Variants in ATG7 observed in about 807,000 individuals in gnomAD.
ATG7 encodes the protein ubiquitin-like modifier-activating enzyme ATG7.
A neutral mutation model predicts 82.4 loss-of-function variants in ATG7; 70 were observed. That is an observed-to-expected ratio of 0.85 (90% CI 0.70 to 1.04). The LOEUF (loss-of-function observed/expected upper bound fraction) is 1.04. Among genes scored for constraint, ATG7 ranks in the 50% least tolerant of loss-of-function variants. The pLI is 0.00. For synonymous variants in ATG7, 287 were observed against 313.0 expected, an observed-to-expected ratio of 0.92 and a Z score of 0.88; for missense variants, 792 against 864.3, an observed-to-expected ratio of 0.92 and a Z score of 1.05.
Position 11,555,089 on chromosome 3 carries a change from T to G in ATG7, c.*246T>G, listed in dbSNP as rs2072276941. The G allele has an allele frequency of 1.9e-6, 1 of 522,362 alleles. No individual in the cohort carries two copies. The highest frequency in any genetic ancestry group is 2.8e-5 in the South Asian group (1 of 36,040). 32.4% of individuals were successfully genotyped at this position (522,362 alleles called of 1,614,324 possible). ...GCCTTGCTATTGACCTGGGACTTGG[T>G]CCTCCATGCAGTTTTTATTTCTTGT... On this transcript the variant is annotated 3_prime_UTR_variant, in exon 21 of 21. Coordinates refer to ENST00000693202, the MANE Select transcript of ATG7 (RefSeq NM_001349232.2).
intron 19 of ATG7, among the ~76,000 whole-genome samples, chr3:11,389,730 G>A (rs564915370): frequency 3.8e-4 from 58 of 152,288 alleles, no homozygotes; most frequent in African/African-American, 1.4e-3. Flanking sequence ...TGGAATATAT[G>A]TGCAGCCTCC....
intron 20 of ATG7, among the ~76,000 whole-genome samples, chr3:11,471,421 G>A (rs533481228): frequency 1.2e-4 from 18 of 152,016 alleles, no homozygotes; most frequent in Non-Finnish European, 1.9e-4. Context: ...TATATGACTT[G>A]GTCATCTTTA....
At chr3:11,573,320 A>AAGGAAGG in the ATG7 span, among the ~76,000 whole-genome samples, 3 of 27,386 alleles carry the variant, frequency 1.1e-4, no homozygotes, top group African/African-American at 4.7e-4. Context: ...AGGAAGGAAG[A>AAGGAAGG]AAGAAAGAAA....
At chr3:11,308,894 C>T in intron 6 of ATG7, 90 bp from the exon 7 acceptor site, 2 of 1,193,306 alleles carry the variant, frequency 1.7e-6, no homozygotes, top group Non-Finnish European at 2.5e-6. Context: ...GAAAGAAGAG[C>T]CTGGTGCTTT....
intron 19 of ATG7, among the ~76,000 whole-genome samples, chr3:11,410,695 A>G (rs901601704): frequency 2.0e-5 from 3 of 152,170 alleles, no homozygotes; most frequent in Admixed American, 6.5e-5. Context: ...ATTTAGTATA[A>G]TGCTCTCAAA....
In ATG7 at chr3:11,475,907, A is replaced by ACACACACACACACACACACC. The variant is rs766157655; in HGVS notation, c.2079+48982_2079+48983insACACACACACACACACACCC. On this transcript the variant is annotated intron_variant, in intron 20 of 20. Coordinates refer to ENST00000693202, the MANE Select transcript of ATG7 (RefSeq NM_001349232.2). ...CACACACACACACACACACACACAC[A>ACACACACACACACACACACC]CCCCCTCCCAGAGTCCGAGCATTCT... 1.4e-4 allele frequency among the ~76,000 whole-genome samples: 20 copies of ACACACACACACACACACACC among 146,332 alleles called. 1 individual carries two copies. The South Asian group carries it at 1.4e-3, about 11-fold the overall frequency.
intron 19 of ATG7, among the ~76,000 whole-genome samples, chr3:11,416,838 T>C (rs544431623): frequency 2.0e-5 from 3 of 152,304 alleles, no homozygotes; most frequent in African/African-American, 7.2e-5. Context: ...ATTTCAGTGA[T>C]ACAGATTTCT....
chr3:11,443,450 A>G lies in ATG7; in HGVS notation c.2079+16524A>G, dbSNP rs76859048. On this transcript the variant is annotated intron_variant, in intron 20 of 20. Transcript: ENST00000693202. ...ACCCAGGCTGGAGTGCAGTGGCACA[A>G]TCTTGGCTCACTGCAGCCTCAACCT... 2.8e-3 allele frequency among the ~76,000 whole-genome samples: 427 copies of G among 152,236 alleles called. 6 individuals carry two copies. In the East Asian group the frequency reaches 0.029, roughly 10 times the overall value.
chr3:11,432,156 C>T (rs2082949841), intron 20 of ATG7, among the ~76,000 whole-genome samples: 1 of 152,018 alleles, frequency 6.6e-6, no homozygotes, highest in Admixed American at 6.6e-5. Context: ...GTAGTGATGA[C>T]TTTGAGGTAA....
intron 20 of ATG7, among the ~76,000 whole-genome samples, chr3:11,539,619 G>A (rs1321343233): frequency 2.6e-5 from 4 of 152,094 alleles, no homozygotes; most frequent in South Asian, 2.1e-4. Flanking sequence ...AAAAAGACAC[G>A]GTATTTCTCT....
intron 14 of ATG7, 161 bp downstream of exon 14, chr3:11,348,196 A>T (rs762969904): frequency 5.0e-6 from 5 of 1,006,210 alleles, no homozygotes; most frequent in Non-Finnish European, 4.2e-6. Context: ...TCAGAGAGGG[A>T]TAAAAAAACA....
intron 19 of ATG7, among the ~76,000 whole-genome samples, chr3:11,403,282 T>C (rs1354165701): frequency 2.0e-5 from 3 of 152,034 alleles, no homozygotes; most frequent in Admixed American, 6.6e-5. Flanking sequence ...GAAGTCCTCA[T>C]TGGAGTAAGT....
intron 1 of ATG7, chr3:11,272,709 G>A (rs1307803107): frequency 6.6e-6 from 1 of 152,260 alleles, no homozygotes; most frequent in Admixed American, 6.5e-5. Context: ...CTGTCCTCTT[G>A]GTAGGCAGTG....
intron 2 of ATG7, among the ~76,000 whole-genome samples, chr3:11,281,787 A>G (rs1943095082): frequency 6.6e-6 from 1 of 152,006 alleles, no homozygotes; most frequent in Admixed American, 6.5e-5. Context: ...AAAAAAAAAA[A>G]AAAAGAGAAA....
At chr3:11,409,050 C>T (rs2080635999) in intron 19 of ATG7, among the ~76,000 whole-genome samples, 1 of 152,060 alleles carries the variant, frequency 6.6e-6, no homozygotes, top group Non-Finnish European at 1.5e-5. Flanking sequence ...GGATAATAGT[C>T]CTTTATTAAA....
chr3:11,485,030 A>G (rs2089464098), intron 20 of ATG7, among the ~76,000 whole-genome samples: 1 of 152,186 alleles, frequency 6.6e-6, no homozygotes, highest in South Asian at 2.1e-4. Context: ...TTATAGCAGC[A>G]TGATTTATAG....
intron 1 of ATG7, chr3:11,277,088 A>G (rs1026727674): frequency 7.9e-5 from 12 of 152,212 alleles, no homozygotes; most frequent in African/African-American, 2.7e-4. Flanking sequence ...TCAGAGTTCT[A>G]TAGATTCGAC....
chr3:11,342,103 G>T (rs550989486), intron 12 of ATG7, 32 bp from the exon 13 acceptor site: 1 of 1,593,154 alleles, frequency 6.3e-7, no homozygotes, highest in South Asian at 1.1e-5. Flanking sequence ...GCATAAAGGA[G>T]TGACTGAATA....
At chr3:11,503,066 A>G (rs1377461143) in intron 20 of ATG7, among the ~76,000 whole-genome samples, 1 of 152,324 alleles carries the variant, frequency 6.6e-6, no homozygotes, top group South Asian at 2.1e-4. Flanking sequence ...CTAGGATCCA[A>G]CAACACAGGT....
Sources: gnomAD v4.1 joint callset for allele counts (sites outside exome capture counted in the v4.1 genomes callset) on GRCh38, gnomAD v4.1.1 for gene constraint, MANE v1.5 for transcripts, NCBI Gene and HGNC (gene_info 2026-07-23, HGNC 2026-07-21) for gene names.